ITGA8: variants seen among roughly 807,000 people sequenced by gnomAD.
ITGA8 encodes integrin subunit alpha 8.
A neutral mutation model predicts 142.3 loss-of-function variants in ITGA8; 91 were observed. That is an observed-to-expected ratio of 0.64 (90% CI 0.54 to 0.76). The LOEUF is 0.76. Among genes scored for constraint, ITGA8 ranks in the 30% least tolerant of loss-of-function variants. The pLI is 0.00. For missense variants in ITGA8, 1,406 were observed against 1,327.7 expected (o/e 1.06, Z -0.92); for synonymous variants, 505 against 485.2 (o/e 1.04, Z -0.54).
intron 27 of ITGA8, among the ~76,000 whole-genome samples, chr10:15,542,965 A>T (rs1247079486): frequency 2.6e-5 from 4 of 152,210 alleles, no homozygotes; most frequent in Non-Finnish European, 4.4e-5. Flanking sequence ...AGCCATTTAG[A>T]TGTAGTCTGT....
At chr10:15,676,122 C>T (rs537448155) in intron 6 of ITGA8, among the ~76,000 whole-genome samples, 4 of 152,260 alleles carry the variant, frequency 2.6e-5, no homozygotes, top group South Asian at 2.1e-4. Context: ...CTCTTAACTC[C>T]GGTCACCTTG....
intron 13 of ITGA8, among the ~76,000 whole-genome samples, chr10:15,622,959 T>G (rs901673923): frequency 1.3e-5 from 2 of 152,100 alleles, no homozygotes; most frequent in African/African-American, 2.4e-5. Context: ...TACTAGGTGG[T>G]GTTGGATAGA....
chr10:15,555,843 C>A (rs1588641866), intron 26 of ITGA8, among the ~76,000 whole-genome samples: 1 of 151,634 alleles, frequency 6.6e-6, no homozygotes, highest in Non-Finnish European at 1.5e-5. Flanking sequence ...CTACAGGCAC[C>A]CACCACCACG....
chr10:15,701,546 TGGTGGACACGTGG>T (rs1835164748), intron 2 of ITGA8, among the ~76,000 whole-genome samples: 1 of 152,094 alleles, frequency 6.6e-6, no homozygotes, highest in East Asian at 1.9e-4. Context: ...ATGTGGAATA[TGGTGGACACGTGG>T]GCTGTAAGCA....
At position 15,535,219 on chromosome 10, in the gene ITGA8, C is replaced by A. The variant is rs539376657; in HGVS notation, c.2881-4068G>T. Among the ~76,000 whole-genome samples, 467 of 152,258 alleles carry A rather than the reference C, an allele frequency of 3.1e-3. 2 individuals are homozygous for A. The highest frequency in any genetic ancestry group is 1.0e-2 in the African/African-American group (414 of 41,574). On this transcript the variant is annotated intron_variant, in intron 27 of 29. Transcript: ENST00000378076. ...AGCCCGCCATGCCTGAGCCTCCCCC[C>A]ACCCTCCGTGGGCTCCTGTGCAGCC...
At chr10:15,542,442 A>G (rs1323361351) in intron 27 of ITGA8, among the ~76,000 whole-genome samples, 1 of 152,252 alleles carries the variant, frequency 6.6e-6, no homozygotes, top group Non-Finnish European at 1.5e-5. Flanking sequence ...TGTATTGGAC[A>G]GTATAATTCA....
Position 15,602,361 on chromosome 10 carries a change from T to C in ITGA8, c.2118+1847A>G, listed in dbSNP as rs45511495. Among the ~76,000 whole-genome samples, 561 of 152,324 alleles carry C rather than the reference T, an allele frequency of 3.7e-3. 1 individual carries two copies. Among genetic ancestry groups the C allele is most frequent in the Non-Finnish European group, 5.9e-3 (398 of 68,028 alleles). On this transcript the variant is annotated intron_variant, in intron 20 of 29. Coordinates refer to ENST00000378076, the MANE Select transcript of ITGA8 (RefSeq NM_003638.3). The stretch of plus-strand genomic sequence containing the variant: ...GGTTATTAAACACCATTTTTATAAG[T>C]TGTGTGTATAATTACTTCCTTTATT...
intron 13 of ITGA8, among the ~76,000 whole-genome samples, chr10:15,643,214 C>G (rs1251729216): frequency 6.6e-6 from 1 of 152,100 alleles, no homozygotes; most frequent in South Asian, 2.1e-4. Context: ...CTATCATGAA[C>G]CAGTTCTTTT....
intron 13 of ITGA8, among the ~76,000 whole-genome samples, chr10:15,618,457 T>C (rs1055403715): frequency 6.6e-6 from 1 of 152,222 alleles, no homozygotes; most frequent in Non-Finnish European, 1.5e-5. Flanking sequence ...TACAGCCATA[T>C]TCCCTTTGGC....
At chr10:15,587,647 A>AGG (rs1832856178) in intron 22 of ITGA8, among the ~76,000 whole-genome samples, 2 of 152,214 alleles carry the variant, frequency 1.3e-5, no homozygotes, top group Non-Finnish European at 2.9e-5. Context: ...ATATAGACCC[A>AGG]AGGAAGTTGG....
Position 15,613,668 on chromosome 10 carries a change from A to G in ITGA8, c.1545T>C (p.Ser515=). The change falls in exon 15 of 30, where the codon TCT becomes TCC. Residue 515 remains serine, a synonymous_variant. Transcript: ENST00000378076. Reference sequence around the variant, plus strand: ...GCACCGGACTAACTCACCAGGCAGCAGATGTCATAGAGTCTGGAACCTGGC... The same window carrying G: ...GCACCGGACTAACTCACCAGGCAGCGGATGTCATAGAGTCTGGAACCTGGC... ...KTCQVPDSMT[S]AACFSLRVCA... is the part of the protein sequence containing the mutation. 1 of 1,608,256 alleles carries G rather than the reference A, an allele frequency of 6.2e-7. No individual in the cohort carries two copies.
At chr10:15,561,910 CAGA>C (rs1237481928) in intron 25 of ITGA8, among the ~76,000 whole-genome samples, 6 of 152,142 alleles carry the variant, frequency 3.9e-5, no homozygotes, top group Non-Finnish European at 8.8e-5. Flanking sequence ...ACAATCATGG[CAGA>C]AGGTGAAGGG....
rs192163351 is a variant in ITGA8, at chr10:15,653,535, T to A, written c.1001+1819A>T. Among the ~76,000 whole-genome samples, 54 of 152,312 alleles carry A rather than the reference T, an allele frequency of 3.5e-4. No homozygotes were observed. The East Asian group carries it at 5.4e-3, about 15-fold the overall frequency. Reference sequence around the variant, plus strand: ...ACCAAAGGCCATGGTTTACATTGAATTCACACTTGGTATCAAACCTTCTAT... The same window carrying A: ...ACCAAAGGCCATGGTTTACATTGAAATCACACTTGGTATCAAACCTTCTAT... On this transcript the variant is annotated intron_variant, in intron 11 of 29. Transcript: ENST00000378076.
intron 4 of ITGA8, among the ~76,000 whole-genome samples, chr10:15,680,760 A>T (rs1025822870): frequency 2.0e-5 from 3 of 152,088 alleles, no homozygotes; most frequent in African/African-American, 7.2e-5. Context: ...AAAAAAATTA[A>T]GAGAAAACAT....
chr10:15,697,472 G>C (rs1469368204), intron 2 of ITGA8, among the ~76,000 whole-genome samples: 4 of 152,156 alleles, frequency 2.6e-5, no homozygotes, highest in African/African-American at 9.7e-5. Context: ...AAATGTATGT[G>C]TTTCTGGCCA....
intron 23 of ITGA8, among the ~76,000 whole-genome samples, chr10:15,580,263 T>C (rs999162921): frequency 3.3e-5 from 5 of 151,568 alleles, no homozygotes; most frequent in Non-Finnish European, 7.4e-5. Context: ...TTTATGCCAA[T>C]ACATGTAACA....
At chr10:15,676,090 C>A (rs1366251637) in intron 6 of ITGA8, among the ~76,000 whole-genome samples, 1 of 152,110 alleles carries the variant, frequency 6.6e-6, no homozygotes, top group East Asian at 1.9e-4. Context: ...CTCCATACCA[C>A]CCAAGCTCTT....
chr10:15,665,679 GA>G (rs1834376647), intron 8 of ITGA8, among the ~76,000 whole-genome samples: 1 of 152,148 alleles, frequency 6.6e-6, no homozygotes, highest in South Asian at 2.1e-4. Context: ...AATCCATCTT[GA>G]ATTAATTTTT....
Position 15,527,906 on chromosome 10 carries a change from CTTTTTTT to C in ITGA8, c.2982+3137_2982+3143del, listed in dbSNP as rs34758919. 1.8e-4 allele frequency among the ~76,000 whole-genome samples: 14 copies of C among 78,060 alleles called. 1 individual carries two copies. The East Asian group carries it at 3.2e-3, about 18-fold the overall frequency. The allele number at this position is 78,060 out of a possible 152,430, so 51.2% of individuals were successfully genotyped here. ...TTAAAGCAATTCCCTTTCGGCTGGG[CTTTTTTT>C]TTTTTTTTTTTTTTTTTTTTGAGAC... On this transcript the variant is annotated intron_variant, in intron 28 of 29. Coordinates refer to ENST00000378076, the MANE Select transcript of ITGA8 (RefSeq NM_003638.3).
Sources: gnomAD v4.1 joint callset for allele counts (sites outside exome capture counted in the v4.1 genomes callset) on GRCh38, gnomAD v4.1.1 for gene constraint, MANE v1.5 for transcripts, NCBI Gene and HGNC (gene_info 2026-07-23, HGNC 2026-07-21) for gene names.